The following PPARGC1A variants were observed in gnomAD, a reference collection of about 807,000 sequenced individuals.
PPARGC1A encodes PPARG coactivator 1 alpha.
In PPARGC1A, 25 loss-of-function variants were observed where a neutral mutation model predicts 88.7. The observed-to-expected ratio is 0.28, with a 90% CI of 0.21 to 0.39. The LOEUF is 0.39. Ranked by LOEUF, PPARGC1A falls within the 10% of genes least tolerant of loss-of-function variation. PPARGC1A has a pLI of 1.00. For synonymous variants in PPARGC1A, 363 were observed against 355.6 expected (o/e 1.02, Z -0.24); for missense variants, 880 against 968.7 (o/e 0.91, Z 1.22).
chr4:24,172,032 G>C, the PPARGC1A span, among the ~76,000 whole-genome samples: 1 of 152,126 alleles, frequency 6.6e-6, no homozygotes, highest in East Asian at 1.9e-4. Flanking sequence ...TTACCATTGT[G>C]TTCTGAGTCA....
At chr4:24,365,996 T>C in the PPARGC1A span, among the ~76,000 whole-genome samples, 6 of 152,142 alleles carry the variant, frequency 3.9e-5, no homozygotes, top group Non-Finnish European at 8.8e-5. Context: ...AATCATCAAC[T>C]TGTGGAGAGG....
intron 2 of PPARGC1A, among the ~76,000 whole-genome samples, chr4:23,864,097 C>T (rs921679674): frequency 2.0e-5 from 3 of 152,186 alleles, no homozygotes; most frequent in African/African-American, 7.2e-5. Flanking sequence ...TCCCTCTTCA[C>T]TCATAGGTTT....
the PPARGC1A span, among the ~76,000 whole-genome samples, chr4:24,398,585 A>G: frequency 2.6e-5 from 4 of 152,176 alleles, no homozygotes; most frequent in African/African-American, 9.7e-5. Flanking sequence ...TCTTTTCTGT[A>G]GCATCACAAC....
the PPARGC1A span, among the ~76,000 whole-genome samples, chr4:23,962,690 G>T: frequency 6.6e-6 from 1 of 152,142 alleles, no homozygotes; most frequent in East Asian, 1.9e-4. Flanking sequence ...GAGAGCACAG[G>T]GCCAGGTGGG....
chr4:23,889,215 T>C (rs1427748457), intron 1 of PPARGC1A: 1 of 985,258 alleles, frequency 1.0e-6, no homozygotes, highest in African/African-American at 1.7e-5. Context: ...TTCAGGCAGC[T>C]CTCCGTGGTA....
the PPARGC1A span, among the ~76,000 whole-genome samples, chr4:24,021,055 A>C: frequency 1.3e-5 from 2 of 152,142 alleles, no homozygotes; most frequent in African/African-American, 4.8e-5. Context: ...CTGGGCATGA[A>C]AGCCCTTCGT....
chr4:24,232,660 GCTGCTA>G, the PPARGC1A span, among the ~76,000 whole-genome samples: 43 of 152,286 alleles, frequency 2.8e-4, no homozygotes, highest in African/African-American at 9.9e-4. Flanking sequence ...ATAAAGACAT[GCTGCTA>G]CTGTCATAGT....
In PPARGC1A at chr4:23,801,795, T is replaced by G. The variant is rs1373304180; in HGVS notation, c.2228A>C (p.Glu743Ala). ...ACAAAAGTACAGCTCAAAGTCAGTTTCGTTTGACCTGCGCAAAGTGTATCC... is the reference window on the plus strand; with the variant it reads ...ACAAAAGTACAGCTCAAAGTCAGTTGCGTTTGACCTGCGCAAAGTGTATCC... ...ENGYTLRRSN[E>A]TDFELYFCGR... Residue 743 changes from glutamate to alanine, a missense_variant, in exon 12 of 13, where the codon GAA (glutamate) becomes GCA (alanine). By Grantham distance (107) the Glu-to-Ala change is moderately radical. Coordinates refer to ENST00000264867, the MANE Select transcript of PPARGC1A (RefSeq NM_013261.5). The G allele has an allele frequency of 6.2e-7, 1 of 1,614,038 alleles. No homozygotes were observed. Among genetic ancestry groups the G allele is most frequent in the East Asian group, 2.2e-5 (1 of 44,808 alleles).
the PPARGC1A span, among the ~76,000 whole-genome samples, chr4:24,198,140 C>A: frequency 6.6e-6 from 1 of 152,152 alleles, no homozygotes; most frequent in East Asian, 1.9e-4. Flanking sequence ...AGCATGTAAG[C>A]AAATCAGTTC....
At chr4:23,851,725 G>A (rs969164387) in intron 2 of PPARGC1A, among the ~76,000 whole-genome samples, 1 of 152,176 alleles carries the variant, frequency 6.6e-6, no homozygotes, top group Non-Finnish European at 1.5e-5. Context: ...TCAAGCTTCA[G>A]TAAGAGTGAA....
the PPARGC1A span, among the ~76,000 whole-genome samples, chr4:24,022,434 G>A: frequency 0.71 from 107,903 of 152,034 alleles, 38,864 homozygotes; most frequent in South Asian, 0.78. Context: ...CTGTCACTTC[G>A]TGTTGGACCC....
At chr4:24,320,094 CTA>C in the PPARGC1A span, among the ~76,000 whole-genome samples, 3 of 152,118 alleles carry the variant, frequency 2.0e-5, no homozygotes, top group Admixed American at 6.5e-5. Flanking sequence ...TAAAAGAATA[CTA>C]GAGAGATTTC....
At chr4:23,822,548 A>G (rs1225611655) in intron 7 of PPARGC1A, among the ~76,000 whole-genome samples, 1 of 151,956 alleles carries the variant, frequency 6.6e-6, no homozygotes, top group Non-Finnish European at 1.5e-5. Context: ...TCCCTTTGAT[A>G]ACTCTTTTTC....
chr4:24,470,253 G>A, the PPARGC1A span, among the ~76,000 whole-genome samples: 1 of 139,604 alleles, frequency 7.2e-6, no homozygotes, highest in Non-Finnish European at 1.5e-5. This position sits in a 1 kb window ranked among gnomAD's most constrained non-coding sequence, Gnocchi z 5.8. Flanking sequence ...GCAGGGCTTG[G>A]TTTCTGACTC....
the PPARGC1A span, among the ~76,000 whole-genome samples, chr4:24,324,122 G>C: frequency 1.3e-5 from 2 of 152,132 alleles, no homozygotes; most frequent in African/African-American, 4.8e-5. Context: ...ACGTTTCAAG[G>C]GTGTCAAACC....
the PPARGC1A span, among the ~76,000 whole-genome samples, chr4:23,926,829 C>A: frequency 6.6e-6 from 1 of 152,170 alleles, no homozygotes; most frequent in South Asian, 2.1e-4. Flanking sequence ...ACTACTGCAC[C>A]CAGCACATTA....
At position 23,801,749 on chromosome 4, in the gene PPARGC1A, C is replaced by T; in HGVS notation, c.2274G>A (p.Lys758=). The stretch of plus-strand genomic sequence containing the variant: ...CCATACCTAGGTCTGCATAGTTAGA[C>T]TTGAAAAATTGCTTGCGTCCACAAA... ...LYFCGRKQFF[K]SNYADLDSNS... The change falls in exon 12 of 13, where the codon AAG becomes AAA. Residue 758 remains lysine, a synonymous_variant. Transcript: ENST00000264867. 1 of 1,613,990 alleles carries T rather than the reference C, an allele frequency of 6.2e-7. No individual in the cohort carries two copies.
chr4:24,165,735 CCATAT>C, the PPARGC1A span, among the ~76,000 whole-genome samples: 19 of 152,188 alleles, frequency 1.2e-4, no homozygotes, highest in South Asian at 3.3e-3. Flanking sequence ...TGATCCATTA[CCATAT>C]AAGAGGTTGA....
the PPARGC1A span, among the ~76,000 whole-genome samples, chr4:24,142,510 C>T: frequency 6.6e-6 from 1 of 151,926 alleles, no homozygotes; most frequent in African/African-American, 2.4e-5. Context: ...CCTGTCTCCA[C>T]TAAAAATACA....
Sources: gnomAD v4.1 joint callset for allele counts (sites outside exome capture counted in the v4.1 genomes callset) on GRCh38, gnomAD v4.1.1 for gene constraint, Gnocchi (gnomAD v3.1) non-coding constraint, MANE v1.5 for transcripts, NCBI Gene and HGNC (gene_info 2026-07-23, HGNC 2026-07-21) for gene names.